Variants in PCBP3 observed in about 807,000 individuals in gnomAD.
PCBP3 encodes the protein poly(rC) binding protein 3.
Under a neutral mutation model 52.7 loss-of-function variants are expected in PCBP3, and 25 were observed. The observed-to-expected ratio is 0.47, with a 90% CI of 0.35 to 0.66. PCBP3 has a LOEUF of 0.66. PCBP3 is among the 30% of genes least tolerant of loss of function. The pLI, the probability that PCBP3 is intolerant of heterozygous loss-of-function variation, is 0.01. For missense variants in PCBP3, 391 were observed against 490.3 expected (o/e 0.80, Z 1.91); for synonymous variants, 162 against 183.0 (o/e 0.89, Z 0.93).
intron 2 of PCBP3, among the ~76,000 whole-genome samples, chr21:45,718,955 C>T (rs1478488136): frequency 6.6e-6 from 1 of 152,110 alleles, no homozygotes; most frequent in Non-Finnish European, 1.5e-5. Context: ...GGAGAGCTGC[C>T]TATTCATCTG....
In PCBP3 at chr21:45,690,580, G is replaced by A. The variant is rs569466964; in HGVS notation, c.-200+21628G>A. On this transcript the variant is annotated intron_variant, in intron 2 of 17. Coordinates refer to ENST00000681687, the MANE Select transcript of PCBP3 (RefSeq NM_001384156.1). ...TTTTCCTACATATATCTGAAAAAAG[G>A]ACTATTTCAGAATATACAAAGAACT... is the stretch of plus-strand genomic sequence containing the variant. Among the ~76,000 whole-genome samples, 29 of 152,014 alleles carry A rather than the reference G, an allele frequency of 1.9e-4. 1 individual carries two copies. In the South Asian group the frequency reaches 4.4e-3, roughly 23 times the overall value.
intron 9 of PCBP3, among the ~76,000 whole-genome samples, chr21:45,908,960 C>T (rs910401692): frequency 3.3e-5 from 5 of 152,174 alleles, no homozygotes; most frequent in Admixed American, 6.5e-5. Flanking sequence ...GACATCCCTG[C>T]CTTACCTGGC....
At chr21:45,918,066 T>C in intron 13 of PCBP3, 1 of 262,668 alleles carries the variant, frequency 3.8e-6, no homozygotes, top group Non-Finnish European at 7.5e-6. Flanking sequence ...TGAAATTAAC[T>C]CCCCCTTTCA....
intron 1 of PCBP3, among the ~76,000 whole-genome samples, chr21:45,665,421 G>A (rs1233719443): frequency 1.3e-5 from 2 of 151,824 alleles, no homozygotes; most frequent in African/African-American, 4.8e-5. Flanking sequence ...AAAAAAAGAA[G>A]TGCTACTGAT....
At position 45,805,356 on chromosome 21, in the gene PCBP3, A is replaced by G. The variant is rs1005936470; in HGVS notation, c.-125-44605A>G. 2.0e-5 allele frequency among the ~76,000 whole-genome samples: 3 copies of G among 152,024 alleles called. No individual in the cohort carries two copies. The highest frequency in any genetic ancestry group is 7.2e-5 in the African/African-American group (3 of 41,386). On this transcript the variant is annotated intron_variant, in intron 4 of 17. Coordinates refer to ENST00000681687, the MANE Select transcript of PCBP3 (RefSeq NM_001384156.1). The surrounding 1 kb of genome is among the most constrained non-coding windows in gnomAD (Gnocchi z 4.6). ...AATTGGAAGATTATGGGTGGGTGTG[A>G]CTGGTAACAAGCAGGGGTTTGGCAC...
At chr21:45,720,792 G>A (rs1226165212) in intron 2 of PCBP3, among the ~76,000 whole-genome samples, 1 of 152,194 alleles carries the variant, frequency 6.6e-6, no homozygotes, top group East Asian at 1.9e-4. Flanking sequence ...GACCAGGAGG[G>A]TGCAGGCTTC....
At chr21:45,739,997 C>T (rs1208796890) in intron 3 of PCBP3, among the ~76,000 whole-genome samples, 1 of 152,240 alleles carries the variant, frequency 6.6e-6, no homozygotes, top group Non-Finnish European at 1.5e-5. Context: ...TGCCTAGTCC[C>T]AGCAGCACCC....
intron 4 of PCBP3, among the ~76,000 whole-genome samples, chr21:45,816,503 T>G (rs1023556919): frequency 5.6e-5 from 1 of 17,864 alleles, no homozygotes; most frequent in Admixed American, 7.7e-4. Flanking sequence ...CCCTTCCCCC[T>G]CCCCTCCCCT....
At chr21:45,850,487 A>G (rs974555263) in intron 5 of PCBP3, among the ~76,000 whole-genome samples, 1 of 152,130 alleles carries the variant, frequency 6.6e-6, no homozygotes, top group Non-Finnish European at 1.5e-5. Flanking sequence ...TGAGAGCATC[A>G]GGAGTGGGGG....
rs537247598 is a variant in PCBP3, at chr21:45,714,219, C to G, written c.-199-21173C>G. On this transcript the variant is annotated intron_variant, in intron 2 of 17. Transcript: ENST00000681687. ...CTCTGATGACTCTTGCTCTGGGACTCTCCCATCAACTCCAGACTAATTTGT... is the reference window on the plus strand; with the variant it reads ...CTCTGATGACTCTTGCTCTGGGACTGTCCCATCAACTCCAGACTAATTTGT... Among the ~76,000 whole-genome samples the G allele has an allele frequency of 3.3e-5, 5 of 152,324 alleles. No individual in the cohort carries two copies. The South Asian group carries it at 1.0e-3, about 32-fold the overall frequency.
intron 4 of PCBP3, among the ~76,000 whole-genome samples, chr21:45,823,474 C>T (rs1042296624): frequency 3.3e-5 from 5 of 152,264 alleles, no homozygotes; most frequent in Admixed American, 6.5e-5. Flanking sequence ...GTGGACTTTC[C>T]GCTGTGCAGA....
At chr21:45,778,711 G>A (rs967220744) in intron 4 of PCBP3, among the ~76,000 whole-genome samples, 1 of 152,174 alleles carries the variant, frequency 6.6e-6, no homozygotes, top group Non-Finnish European at 1.5e-5. Context: ...GCAATGCCTG[G>A]GACCCTGGGC....
rs1555895721 is a variant in PCBP3, at chr21:45,646,080, TC to T, written c.-279+2213del. ...CTCTCTCTCTCTCTCTCTCTCTCTC[TC>T]TTTCTCTCTCTCTCTCTCTCTCTCT... On this transcript the variant is annotated intron_variant, in intron 1 of 17. Coordinates refer to ENST00000681687, the MANE Select transcript of PCBP3 (RefSeq NM_001384156.1). Among the ~76,000 whole-genome samples the T allele has an allele frequency of 2.8e-3, 326 of 118,078 alleles. 1 individual carries two copies. The highest frequency in any genetic ancestry group is 8.4e-3 in the East Asian group (36 of 4,270). 77.5% of individuals were successfully genotyped at this position (118,078 alleles called of 152,430 possible). A position where few individuals can be genotyped will look rare whatever the true frequency, so the allele number is the denominator to read the frequency against.
chr21:45,781,256 A>G (rs935344370), intron 4 of PCBP3, among the ~76,000 whole-genome samples: 1 of 152,230 alleles, frequency 6.6e-6, no homozygotes, highest in Non-Finnish European at 1.5e-5. Context: ...ACAGACTGGG[A>G]AAAACATTTG....
chr21:45,660,043 T>C (rs1053349880), intron 1 of PCBP3, among the ~76,000 whole-genome samples: 13 of 152,260 alleles, frequency 8.5e-5, no homozygotes, highest in East Asian at 1.9e-4. Flanking sequence ...AAACGGACTT[T>C]TGAAGTTTCC....
intron 4 of PCBP3, among the ~76,000 whole-genome samples, chr21:45,774,507 T>C (rs1212446618): frequency 1.3e-5 from 2 of 152,208 alleles, no homozygotes. Context: ...TGGTTTCCTT[T>C]TATTTATTTC....
rs1488179990 is a variant in PCBP3, at chr21:45,904,807, C to A, written c.339+3694C>A. On this transcript the variant is annotated intron_variant, in intron 9 of 17. Coordinates refer to ENST00000681687, the MANE Select transcript of PCBP3 (RefSeq NM_001384156.1). The surrounding 1 kb of genome is among the most constrained non-coding windows in gnomAD (Gnocchi z 4.8). ...CGTCGCTCTGGGGCCGTGTCTCACC[C>A]TCACACCATGTCACGATTGTGCTGG... Among the ~76,000 whole-genome samples, 2 of 152,188 alleles carry A rather than the reference C, an allele frequency of 1.3e-5. No homozygotes were observed. The highest frequency in any genetic ancestry group is 2.9e-5 in the Non-Finnish European group (2 of 68,036).
At chr21:45,867,028 G>T (rs2094760949) in intron 5 of PCBP3, among the ~76,000 whole-genome samples, 1 of 152,238 alleles carries the variant, frequency 6.6e-6, no homozygotes, top group African/African-American at 2.4e-5. Flanking sequence ...GGCATGGGAA[G>T]ACTATTCAGT....
At chr21:45,900,332 G>A (rs542239388) in intron 7 of PCBP3, among the ~76,000 whole-genome samples, 13 of 152,310 alleles carry the variant, frequency 8.5e-5, no homozygotes, top group South Asian at 4.1e-4. Flanking sequence ...TCAGACCTGC[G>A]CCACCCTTGC....
Sources: gnomAD v4.1 joint callset for allele counts (sites outside exome capture counted in the v4.1 genomes callset) on GRCh38, gnomAD v4.1.1 for gene constraint, Gnocchi (gnomAD v3.1) non-coding constraint, MANE v1.5 for transcripts, NCBI Gene and HGNC (gene_info 2026-07-23, HGNC 2026-07-21) for gene names.